HELZ2: variants seen among roughly 807,000 people sequenced by gnomAD.
HELZ2 encodes the protein helicase with zinc finger 2.
A neutral mutation model predicts 208.8 loss-of-function variants in HELZ2; 143 were observed. The ratio of observed to expected loss-of-function variants is 0.68; its 90% confidence interval spans 0.60 to 0.79. The LOEUF (loss-of-function observed/expected upper bound fraction) is 0.79, where lower values mean the gene tolerates loss of function less well. Among genes scored for constraint, HELZ2 ranks in the 30% least tolerant of loss-of-function variants. The probability of loss-of-function intolerance (pLI) is 0.00; values close to 1 mark genes in which losing one functional copy is unlikely to be tolerated. For missense variants in HELZ2, 3,690 were observed against 3,794.5 expected (o/e 0.97, Z 0.72); for synonymous variants, 1,705 against 1,693.7 (o/e 1.01, Z -0.16).
chr20:63,566,679 C>CGGGGATGAACGCAGGACG (rs1600979046), intron 6 of HELZ2, among the ~76,000 whole-genome samples, 165 bp downstream of exon 7: 3 of 151,714 alleles, frequency 2.0e-5, no homozygotes, highest in African/African-American at 7.3e-5. Flanking sequence ...CCACCAAGCT[C>CGGGGATGAACGCAGGACG]CAGACACCTC....
exon 8 of HELZ2, chr20:63,564,122 C>T (rs550965839): frequency 6.2e-7 from 1 of 1,611,514 alleles, no homozygotes; most frequent in African/African-American, 1.3e-5. Context: ...ATGCTTCTCA[C>T]ACAGGGCCTT....
At chr20:63,566,761 CG>C (rs2082964006) in intron 6 of HELZ2, 82 bp downstream of exon 7, 2 of 1,313,600 alleles carry the variant, frequency 1.5e-6, no homozygotes, top group African/African-American at 1.5e-5. Context: ...GAAACTGAGG[CG>C]GGGGCTCGTC....
exon 8 of HELZ2, chr20:63,563,628 G>T: frequency 6.5e-7 from 1 of 1,542,546 alleles, no homozygotes; most frequent in Non-Finnish European, 8.7e-7. Context: ...GCCTTGAGCT[G>T]CACGGCCAGG....
chr20:63,566,410 T>C, exon 7 of HELZ2: 3 of 1,548,348 alleles, frequency 1.9e-6, no homozygotes, highest in Non-Finnish European at 2.6e-6. Context: ...GACAGACACC[T>C]GGCCTAGGTC....
chr20:63,562,010 A>C (rs1449205845), intron 10 of HELZ2, 26 bp from the exon 12 acceptor site: 1 of 1,595,858 alleles, frequency 6.3e-7, no homozygotes, highest in Non-Finnish European at 8.6e-7. Context: ...AGGAGATTGT[A>C]GCCCACCCTG....
At chr20:63,570,365 A>T in intron 3 of HELZ2, 139 bp downstream of exon 4, 1 of 745,020 alleles carries the variant, frequency 1.3e-6, no homozygotes, top group Non-Finnish European at 2.4e-6. Flanking sequence ...AGGCTAAGGG[A>T]CCTGCTGCAG....
chr20:63,569,114 G>T, intron 4 of HELZ2, 34 bp downstream of exon 5: 1 of 1,577,788 alleles, frequency 6.3e-7, no homozygotes. Flanking sequence ...AGCTGCTCCT[G>T]CTACCCCAGC....
intron 3 of HELZ2, chr20:63,570,011 C>T (rs980817895): frequency 4.9e-5 from 22 of 453,098 alleles, no homozygotes; most frequent in African/African-American, 2.6e-4. Flanking sequence ...TGCAATGGCG[C>T]GATCTCAACT....
chr20:63,562,203 A>G, exon 10 of HELZ2: 1 of 1,611,678 alleles, frequency 6.2e-7, no homozygotes, highest in African/African-American at 1.3e-5. Flanking sequence ...GCTGGGGATC[A>G]CTGAGAGGGG....
At chr20:63,569,747 G>A in intron 3 of HELZ2, 82 bp from the exon 5 acceptor site, 1 of 1,386,884 alleles carries the variant, frequency 7.2e-7, no homozygotes, top group Admixed American at 2.8e-5. Flanking sequence ...CGTAGCCCAA[G>A]TGCAGGGTTC....
At chr20:63,565,326 C>A in exon 8 of HELZ2, 1 of 1,607,014 alleles carries the variant, frequency 6.2e-7, no homozygotes, top group East Asian at 2.2e-5. Flanking sequence ...CCGGCGAAGG[C>A]CATCCCACAG....
rs201173485 is a variant in HELZ2 at position 63,565,272 on chromosome 20, C to T, written c.3550G>A (p.Glu1184Lys). The T allele has an allele frequency of 8.5e-4, 1,359 of 1,605,276 alleles. 2 individuals carry two copies. Among genetic ancestry groups the T allele is most frequent in the Middle Eastern group, 3.6e-3 (22 of 6,046 alleles). ...AGCACGCGGCCCCGAAGCCGCCCCT[C>T]GGGCGCCTTGTCTCCCGAAAGGAGC... Residue 1184 changes from glutamate to lysine, a missense_variant, in exon 8 of 19, where the codon GAG (glutamate) becomes AAG (lysine). This residue lies in a region of HELZ2 where 2,564 missense variants were observed against 2,580.5 expected (regional missense o/e 0.99). Transcript: ENST00000467148.
chr20:63,559,346 C>T, exon 19 of HELZ2: 1 of 1,601,080 alleles, frequency 6.2e-7, no homozygotes, highest in African/African-American at 1.3e-5. Context: ...CCAGAGGGGG[C>T]AGCAGCGCAG....
chr20:63,563,696 G>T (rs1161034484), exon 8 of HELZ2: 4 of 1,583,850 alleles, frequency 2.5e-6, no homozygotes, highest in South Asian at 1.1e-5. Flanking sequence ...GAGGCTGAAG[G>T]CCTGGCAGAG....
exon 2 of HELZ2, chr20:63,570,827 T>G: frequency 6.2e-7 from 1 of 1,608,048 alleles, no homozygotes. Context: ...CTGTGCTGAG[T>G]GTGCCTTGGT....
chr20:63,573,535 C>T (rs924090873), upstream of HELZ2, among the ~76,000 whole-genome samples: 7 of 152,100 alleles, frequency 4.6e-5, no homozygotes, highest in African/African-American at 1.7e-4. This position sits in a 1 kb window ranked among gnomAD's most constrained non-coding sequence, Gnocchi z 4.9. Flanking sequence ...CTGGAGGGGG[C>T]AGAGCCCTTG....
chr20:63,571,163 C>T (rs409318), intron 1 of HELZ2: 103 of 332,758 alleles, frequency 3.1e-4, no homozygotes, highest in Non-Finnish European at 4.7e-4. Context: ...CTGCCCCGCT[C>T]CAAGCTCCTG....
chr20:63,561,399 C>CA lies in HELZ2; in HGVS notation c.6903dup (p.Asp2302Ter). ...AGCTCCCCTCTCTGCAGCCGGGTGT[C>CA]AAAGGCCTTGATTTCCGACGAGTAA... On this transcript the variant is annotated frameshift_variant, in exon 13 of 19. Transcript: ENST00000467148. LOFTEE classifies it high-confidence loss of function. 1 of 1,612,982 alleles carries CA rather than the reference C, an allele frequency of 6.2e-7. No individual in the cohort carries two copies. Among genetic ancestry groups the CA allele is most frequent in the Non-Finnish European group, 8.5e-7 (1 of 1,179,938 alleles).
rs1424129386 is a variant in HELZ2 at position 63,565,259 on chromosome 20, C to T, written c.3563G>A (p.Arg1188Gln). Reference sequence around the variant, plus strand: ...CTTCAGCACGCCCAGCACGCGGCCCCGAAGCCGCCCCTCGGGCGCCTTGTC... The same window carrying T: ...CTTCAGCACGCCCAGCACGCGGCCCTGAAGCCGCCCCTCGGGCGCCTTGTC... Residue 1188 changes from arginine (R) to glutamine (Q), a missense_variant, in exon 8 of 19, where the codon CGG (arginine) becomes CAG (glutamine). Arg to Gln is a conservative substitution (Grantham distance 43). Transcript: ENST00000467148. 2.5e-6 allele frequency: 4 copies of T among 1,606,316 alleles called. No homozygotes were observed. In the Admixed American group the frequency reaches 5.1e-5, roughly 20 times the overall value.
Sources: allele counts gnomAD v4.1 joint callset (sites outside exome capture counted in the v4.1 genomes callset), GRCh38; gene constraint gnomAD v4.1.1; regional missense constraint gnomAD v4.1.1; non-coding constraint Gnocchi (gnomAD v3.1); transcripts MANE v1.5; gene names NCBI Gene and HGNC (gene_info 2026-07-23, HGNC 2026-07-21).